ADGRG6: variants seen among roughly 807,000 people sequenced by gnomAD.
ADGRG6 encodes the protein G-protein coupled receptor 126.
In ADGRG6, 84 loss-of-function variants were observed where a neutral mutation model predicts 142.4. That is an observed-to-expected ratio of 0.59 (90% CI 0.49 to 0.71). The LOEUF (loss-of-function observed/expected upper bound fraction) is 0.71. Among genes scored for constraint, ADGRG6 ranks in the 30% least tolerant of loss-of-function variants. ADGRG6 has a pLI of 0.00. For missense variants in ADGRG6, 1,367 were observed against 1,466.6 expected (o/e 0.93, Z 1.11); for synonymous variants, 521 against 520.5 (o/e 1.00, Z -0.01).
Position 142,370,195 on chromosome 6 carries a change from G to A in ADGRG6, c.471G>A (p.Lys157=). 1 of 1,604,110 alleles carries A rather than the reference G, an allele frequency of 6.2e-7. No individual in the cohort carries two copies. The highest frequency in any genetic ancestry group is 8.5e-7 in the Non-Finnish European group (1 of 1,171,792). The change falls in exon 4 of 25, where the codon AAG becomes AAA. Residue 157 remains lysine (K), a synonymous_variant. Coordinates refer to ENST00000367609, the MANE Select transcript of ADGRG6 (RefSeq NM_198569.3). ...TTGCCGTGTCCTTAAGGAATCAAAA[G>A]GTCATTTTACCCCAGACATCAGATG... The part of the protein sequence containing the change: ...IRVAVSLRNQ[K]VILPQTSDAY...
chr6:142,367,916 T>G lies in ADGRG6; in HGVS notation c.445+6T>G. ...CAATGCCAGCTACATCAGAGGTATG[T>G]AAACCAAAGGCAACGCCAACCTTCT... On this transcript the variant is annotated splice_donor_region_variant and intron_variant, in intron 3 of 24. Transcript: ENST00000367609. The G allele has an allele frequency of 6.4e-7, 1 of 1,554,688 alleles. No individual in the cohort carries two copies. The highest frequency in any genetic ancestry group is 8.8e-7 in the Non-Finnish European group (1 of 1,137,594).
intron 16 of ADGRG6, 84 bp downstream of exon 16, chr6:142,408,353 G>GGGTCAGTTACTTTT: frequency 9.8e-7 from 1 of 1,016,678 alleles, no homozygotes; most frequent in Non-Finnish European, 1.4e-6. Context: ...ATGTTAAAAA[G>GGGTCAGTTACTTTT]TAACTGACCC....
intron 3 of ADGRG6, among the ~76,000 whole-genome samples, chr6:142,368,835 C>CA (rs1024720826): frequency 1.3e-5 from 2 of 151,872 alleles, no homozygotes; most frequent in Admixed American, 6.5e-5. Context: ...CATTGGAAAA[C>CA]AAAAAAAGCA....
intron 2 of ADGRG6, among the ~76,000 whole-genome samples, chr6:142,345,329 T>C (rs1779846173): frequency 6.6e-6 from 1 of 152,082 alleles, no homozygotes; most frequent in Admixed American, 6.6e-5. Flanking sequence ...TTGGCAGTCA[T>C]AGTCAAGGCT....
chr6:142,401,939 G>A (rs894367667), intron 11 of ADGRG6, 55 bp from the exon 12 acceptor site: 77 of 809,764 alleles, frequency 9.5e-5, no homozygotes, highest in Non-Finnish European at 1.5e-4. Flanking sequence ...CCTTTAAGCA[G>A]TACAAAATAA....
chr6:142,435,816 GT>G (rs1250817427), intron 22 of ADGRG6, among the ~76,000 whole-genome samples: 1 of 152,150 alleles, frequency 6.6e-6, no homozygotes, highest in Non-Finnish European at 1.5e-5. Context: ...GTGACTAAAG[GT>G]TAAAATTAAA....
chr6:142,321,894 A>G (rs1423246134), intron 2 of ADGRG6, among the ~76,000 whole-genome samples: 5 of 152,134 alleles, frequency 3.3e-5, no homozygotes, highest in Non-Finnish European at 7.4e-5. Context: ...TAGTTTTAGG[A>G]CACAATTAAC....
intron 9 of ADGRG6, among the ~76,000 whole-genome samples, chr6:142,396,675 A>G (rs1562364554): frequency 6.6e-6 from 1 of 152,170 alleles, no homozygotes; most frequent in Non-Finnish European, 1.5e-5. Context: ...TCTCAATAAT[A>G]TAACGTCTTA....
chr6:142,318,157 T>A (rs1327483394), intron 2 of ADGRG6, among the ~76,000 whole-genome samples: 16 of 1,066 alleles, frequency 0.015, 1 homozygote, highest in South Asian at 0.029. Flanking sequence ...TATTATATAT[T>A]ATATATATTA....
intron 4 of ADGRG6, among the ~76,000 whole-genome samples, chr6:142,377,098 G>C (rs1027413213): frequency 3.3e-5 from 5 of 152,090 alleles, no homozygotes; most frequent in Admixed American, 6.6e-5. Flanking sequence ...AGAAAACTTG[G>C]CTCTAAATGT....
At chr6:142,441,705 A>G (rs1395210269) in intron 24 of ADGRG6, among the ~76,000 whole-genome samples, 1 of 152,228 alleles carries the variant, frequency 6.6e-6, no homozygotes, top group Non-Finnish European at 1.5e-5. Context: ...AAAAACACCA[A>G]GCACTAATTA....
chr6:142,428,530 T>C (rs555152727), intron 22 of ADGRG6, among the ~76,000 whole-genome samples: 1 of 152,248 alleles, frequency 6.6e-6, no homozygotes, highest in South Asian at 2.1e-4. Context: ...GACTGGGTAA[T>C]TTATAAAGGG....
intron 9 of ADGRG6, among the ~76,000 whole-genome samples, chr6:142,394,411 C>T (rs1775063035): frequency 6.6e-6 from 1 of 152,074 alleles, no homozygotes; most frequent in East Asian, 1.9e-4. Context: ...CAGGATCATG[C>T]CTTAATCATG....
chr6:142,310,266 G>T (rs866264278), intron 2 of ADGRG6, among the ~76,000 whole-genome samples: 4 of 151,744 alleles, frequency 2.6e-5, no homozygotes, highest in Non-Finnish European at 3.0e-5. Context: ...CAAATTATAT[G>T]AATAAGCCAA....
chr6:142,302,350 C>A lies in ADGRG6; in HGVS notation c.2+19C>A, dbSNP rs759327075. 22 of 1,611,878 alleles carry A rather than the reference C, an allele frequency of 1.4e-5. No homozygotes were observed. The highest frequency in any genetic ancestry group is 1.6e-5 in the Non-Finnish European group (19 of 1,178,930). ...TCAACATGTAAGTCTCACCTTTCAG[C>A]TTGGAATTCCTTCACTCTTTTATCT... On this transcript the variant is annotated intron_variant, in intron 1 of 24. Transcript: ENST00000367609.
intron 2 of ADGRG6, among the ~76,000 whole-genome samples, chr6:142,362,029 A>AT (rs1202562181): frequency 6.6e-6 from 1 of 152,216 alleles, no homozygotes; most frequent in South Asian, 2.1e-4. Flanking sequence ...GCAGTCAGGC[A>AT]TGGAATGTTC....
At chr6:142,376,840 C>T (rs1384737471) in intron 4 of ADGRG6, among the ~76,000 whole-genome samples, 1 of 152,072 alleles carries the variant, frequency 6.6e-6, no homozygotes, top group Non-Finnish European at 1.5e-5. Flanking sequence ...AAAGGAATTA[C>T]TGTTTTTATT....
chr6:142,404,110 A>C, intron 14 of ADGRG6, 137 bp downstream of exon 14: 1 of 686,252 alleles, frequency 1.5e-6, no homozygotes, highest in East Asian at 2.6e-5. Flanking sequence ...AAGTTTAACT[A>C]GAGCAGTAGC....
At chr6:142,410,028 T>C in intron 17 of ADGRG6, 109 bp downstream of exon 17, 3 of 461,998 alleles carry the variant, frequency 6.5e-6, no homozygotes, top group Non-Finnish European at 7.9e-6. Context: ...TGAGTCACAA[T>C]GTAAGTGTAA....
Sources: gnomAD v4.1 joint callset for allele counts (sites outside exome capture counted in the v4.1 genomes callset) on GRCh38, gnomAD v4.1.1 for gene constraint, MANE v1.5 for transcripts, NCBI Gene and HGNC (gene_info 2026-07-23, HGNC 2026-07-21) for gene names.